The following RAD50 variants were observed in gnomAD, a reference collection of about 807,000 sequenced individuals.
RAD50 encodes DNA repair protein RAD50.
Under a neutral mutation model 168.8 loss-of-function variants are expected in RAD50, and 132 were observed. The observed-to-expected ratio is 0.78, with a 90% confidence interval of 0.68 to 0.90. The LOEUF (loss-of-function observed/expected upper bound fraction) is 0.90. Ranked by LOEUF, RAD50 falls within the 40% of genes least tolerant of loss-of-function variation. The pLI, the probability that RAD50 is intolerant of heterozygous loss-of-function variation, is 0.00. For missense variants in RAD50, 1,347 were observed against 1,534.4 expected (o/e 0.88, Z 2.04); for synonymous variants, 525 against 497.4 (o/e 1.06, Z -0.74).
chr5:132,579,671 G>A, intron 4 of RAD50, 169 bp downstream of exon 4: 1 of 836,074 alleles, frequency 1.2e-6, no homozygotes, highest in Non-Finnish European at 1.9e-6. Context: ...GTCTTTCTGT[G>A]CGTATATTTA....
chr5:132,612,890 G>A (rs1751111237), intron 19 of RAD50, among the ~76,000 whole-genome samples: 1 of 151,994 alleles, frequency 6.6e-6, no homozygotes, highest in African/African-American at 2.4e-5. Flanking sequence ...GAATCTTGGG[G>A]GTTTGGGCAG....
intron 2 of RAD50, among the ~76,000 whole-genome samples, chr5:132,568,450 A>G (rs548526716): frequency 9.2e-5 from 14 of 152,250 alleles, no homozygotes; most frequent in Admixed American, 5.9e-4. Context: ...AATGTGTGGG[A>G]AGACATCTAA....
intron 21 of RAD50, among the ~76,000 whole-genome samples, chr5:132,632,677 A>T (rs1751498529): frequency 6.6e-6 from 1 of 152,230 alleles, no homozygotes; most frequent in Non-Finnish European, 1.5e-5. Context: ...ACTAAAGCAG[A>T]TATGTCAAAA....
intron 16 of RAD50, among the ~76,000 whole-genome samples, chr5:132,606,438 A>G (rs991812322): frequency 2.0e-5 from 3 of 152,200 alleles, no homozygotes; most frequent in Non-Finnish European, 2.9e-5. Flanking sequence ...AAATCCCCAA[A>G]TGGACCAACA....
intron 19 of RAD50, among the ~76,000 whole-genome samples, chr5:132,612,605 C>G (rs980571403): frequency 6.6e-6 from 1 of 152,036 alleles, no homozygotes. Context: ...GAGGCCGAGG[C>G]GGGCAGATTG....
At chr5:132,633,902 AT>A (rs34056547) in intron 21 of RAD50, among the ~76,000 whole-genome samples, 38,266 of 148,690 alleles carry the variant, frequency 0.26, 5,204 homozygotes, top group African/African-American at 0.37. Flanking sequence ...ACGGGTAATA[AT>A]TTTTTTTTTA....
At position 132,591,311 on chromosome 5, in the gene RAD50, T is replaced by C. The variant is rs199702045; in HGVS notation, c.1540T>C (p.Leu514=). 4.0e-5 allele frequency: 65 copies of C among 1,613,454 alleles called. No homozygotes were observed. The highest frequency in any genetic ancestry group is 4.6e-5 in the Non-Finnish European group (54 of 1,179,528). The part of the protein sequence containing the change: ...VISLQNEKAD[L]DRTLRKLDQE... ...AAGTCTCCAAAATGAAAAAGCAGAC[T>C]TAGACAGGACCCTGCGTAAACTTGA... is the stretch of plus-strand genomic sequence containing the variant. Residue 514 remains leucine, a synonymous_variant, in exon 10 of 25, where the codon TTA becomes CTA. Transcript: ENST00000378823.
chr5:132,612,165 A>C (rs1199904352), intron 19 of RAD50, among the ~76,000 whole-genome samples: 2 of 152,256 alleles, frequency 1.3e-5, no homozygotes, highest in Admixed American at 1.3e-4. Context: ...ATACCCATAC[A>C]ATGGAATATT....
At chr5:132,609,025 G>A (rs1751035568) in intron 17 of RAD50, 92 bp from the exon 18 acceptor site, 2 of 1,539,558 alleles carry the variant, frequency 1.3e-6, no homozygotes, top group Non-Finnish European at 8.8e-7. Flanking sequence ...GGAACCCAAT[G>A]TTCATAACTT....
intron 19 of RAD50, among the ~76,000 whole-genome samples, chr5:132,615,603 T>C (rs1057310178): frequency 6.6e-5 from 10 of 152,190 alleles, no homozygotes; most frequent in Non-Finnish European, 1.3e-4. Context: ...CCACTGGGGA[T>C]GTAGGTATTA....
chr5:132,642,170 T>G lies in RAD50; in HGVS notation c.3753-8T>G. Reference sequence around the variant, plus strand: ...TACTAATAATATGTTCTGAATATATTGTTGCAGGATAATAAAAAGTCGCTC... The same window carrying G: ...TACTAATAATATGTTCTGAATATATGGTTGCAGGATAATAAAAAGTCGCTC... On this transcript the variant is annotated splice_region_variant and splice_polypyrimidine_tract_variant and intron_variant, in intron 24 of 24. Transcript: ENST00000378823. 3.1e-6 allele frequency: 5 copies of G among 1,611,972 alleles called. No homozygotes were observed. The highest frequency in any genetic ancestry group is 4.2e-6 in the Non-Finnish European group (5 of 1,178,016).
chr5:132,609,420 T>C, intron 19 of RAD50, 24 bp downstream of exon 19: 3 of 1,612,562 alleles, frequency 1.9e-6, no homozygotes, highest in African/African-American at 1.3e-5. Context: ...GCTTATGATA[T>C]CACTTACACC....
chr5:132,619,384 T>C (rs1288661539), intron 21 of RAD50, among the ~76,000 whole-genome samples: 2 of 151,962 alleles, frequency 1.3e-5, no homozygotes, highest in East Asian at 3.9e-4. Flanking sequence ...AATCGTTGTT[T>C]ATACATTATT....
intron 3 of RAD50, among the ~76,000 whole-genome samples, chr5:132,576,411 C>T (rs1486370647): frequency 1.3e-5 from 2 of 152,166 alleles, no homozygotes; most frequent in African/African-American, 4.8e-5. Flanking sequence ...AGGCAGGTAT[C>T]ATTTTCTAAT....
intron 2 of RAD50, among the ~76,000 whole-genome samples, chr5:132,566,416 TATG>T (rs1750209324): frequency 6.6e-6 from 1 of 152,340 alleles, no homozygotes; most frequent in Admixed American, 6.5e-5. Context: ...ATGCTCTCCT[TATG>T]ATGAAATGAC....
chr5:132,627,852 G>A (rs999565230), intron 21 of RAD50, among the ~76,000 whole-genome samples: 7 of 152,192 alleles, frequency 4.6e-5, no homozygotes, highest in South Asian at 2.1e-4. Flanking sequence ...GAGGAGACTT[G>A]TAGTAACCAA....
intron 2 of RAD50, among the ~76,000 whole-genome samples, chr5:132,560,611 G>A (rs1480116491): frequency 3.9e-5 from 6 of 152,086 alleles, no homozygotes; most frequent in African/African-American, 7.2e-5. Flanking sequence ...CTGTACATAC[G>A]TGCCCATACT....
intron 5 of RAD50, among the ~76,000 whole-genome samples, chr5:132,582,022 T>G (rs993442988): frequency 1.3e-5 from 2 of 152,190 alleles, no homozygotes; most frequent in Admixed American, 1.3e-4. Flanking sequence ...CTATCTGAGG[T>G]AGCCAGAGAG....
intron 21 of RAD50, among the ~76,000 whole-genome samples, chr5:132,630,330 C>T (rs1324036024): frequency 2.6e-5 from 4 of 152,214 alleles, no homozygotes; most frequent in East Asian, 1.9e-4. Flanking sequence ...GCATGAGCCA[C>T]GCACCTGGCC....
Sources: gnomAD v4.1 joint callset for allele counts (sites outside exome capture counted in the v4.1 genomes callset) on GRCh38, gnomAD v4.1.1 for gene constraint, MANE v1.5 for transcripts, NCBI Gene and HGNC (gene_info 2026-07-23, HGNC 2026-07-21) for gene names.